The following FSTL5 variants were observed in gnomAD, a reference collection of about 807,000 sequenced individuals.
The protein encoded by FSTL5 is follistatin-related protein 5.
In FSTL5, 62 loss-of-function variants were observed where a neutral mutation model predicts 89.1. The ratio of observed to expected loss-of-function variants is 0.70; its 90% CI spans 0.57 to 0.86. The LOEUF is 0.86. FSTL5 is among the 40% of genes least tolerant of loss of function. The pLI is 0.00. For synonymous variants in FSTL5, 383 were observed against 346.2 expected (o/e 1.11, Z -1.18); for missense variants, 1,057 against 1,001.6 (o/e 1.06, Z -0.75).
intron 13 of FSTL5, among the ~76,000 whole-genome samples, chr4:161,472,392 CTCTTTT>C (rs1197365817): frequency 1.3e-5 from 2 of 151,900 alleles, no homozygotes; most frequent in Non-Finnish European, 2.9e-5. Context: ...CTGACTTTAG[CTCTTTT>C]TCTTTTTCTT....
chr4:161,518,276 A>C (rs932419637), intron 10 of FSTL5, among the ~76,000 whole-genome samples: 7 of 152,142 alleles, frequency 4.6e-5, no homozygotes, highest in Admixed American at 2.0e-4. Flanking sequence ...AAGTGATGAG[A>C]TGGGATAATC....
intron 4 of FSTL5, among the ~76,000 whole-genome samples, chr4:161,846,305 A>G (rs1470942686): frequency 2.0e-5 from 3 of 152,136 alleles, no homozygotes; most frequent in African/African-American, 7.2e-5. Flanking sequence ...TTTACCATAT[A>G]TTAAAATTCT....
At chr4:161,821,176 T>G (rs1422916685) in intron 4 of FSTL5, among the ~76,000 whole-genome samples, 2 of 152,056 alleles carry the variant, frequency 1.3e-5, no homozygotes, top group Non-Finnish European at 2.9e-5. Flanking sequence ...TAGCTGGGAC[T>G]GCAGGCACAG....
chr4:161,414,711 A>G (rs147199537), intron 15 of FSTL5, among the ~76,000 whole-genome samples: 1 of 152,314 alleles, frequency 6.6e-6, no homozygotes, highest in East Asian at 1.9e-4. Flanking sequence ...CTGGCAGTTC[A>G]TTTCCTTCTG....
intron 3 of FSTL5, among the ~76,000 whole-genome samples, chr4:161,960,350 A>G (rs1735143494): frequency 6.6e-6 from 1 of 151,270 alleles, no homozygotes; most frequent in Non-Finnish European, 1.5e-5. Context: ...TTTTAAATAT[A>G]TTTTTAGTAG....
intron 4 of FSTL5, among the ~76,000 whole-genome samples, chr4:161,897,256 A>G (rs915545215): frequency 2.0e-5 from 3 of 151,842 alleles, no homozygotes; most frequent in Non-Finnish European, 4.4e-5. Context: ...AGGTAATTGG[A>G]GGAATACTAA....
chr4:161,615,597 T>C (rs1221221920), intron 7 of FSTL5, among the ~76,000 whole-genome samples: 3 of 151,972 alleles, frequency 2.0e-5, no homozygotes, highest in African/African-American at 7.2e-5. Context: ...ATGGTATAAC[T>C]ATATCTAGGG....
chr4:161,687,856 C>T (rs1240103111), intron 6 of FSTL5, among the ~76,000 whole-genome samples: 1 of 152,146 alleles, frequency 6.6e-6, no homozygotes, highest in Admixed American at 6.5e-5. Context: ...TGCAACAGTG[C>T]TGGAAGGTGG....
intron 6 of FSTL5, among the ~76,000 whole-genome samples, chr4:161,679,759 C>T (rs930806205): frequency 6.6e-6 from 1 of 151,800 alleles, no homozygotes; most frequent in Non-Finnish European, 1.5e-5. Context: ...TTTCTTCATT[C>T]AGTTGACAAT....
chr4:161,744,973 C>T (rs1194572377), intron 6 of FSTL5, among the ~76,000 whole-genome samples: 1 of 150,858 alleles, frequency 6.6e-6, no homozygotes, highest in Non-Finnish European at 1.5e-5. Flanking sequence ...AATCTCAGAT[C>T]AATTTATTCT....
intron 13 of FSTL5, among the ~76,000 whole-genome samples, chr4:161,466,485 C>T (rs1409053244): frequency 2.0e-5 from 3 of 152,088 alleles, no homozygotes; most frequent in Non-Finnish European, 2.9e-5. Flanking sequence ...TTAAGTGAAC[C>T]TAATTTAAAA....
chr4:161,384,759 A>G lies in FSTL5; in HGVS notation c.*988T>C, dbSNP rs1730556195. 1 of 152,160 alleles carries G rather than the reference A, an allele frequency of 6.6e-6. No individual in the cohort carries two copies. Among genetic ancestry groups the G allele is most frequent in the Non-Finnish European group, 1.5e-5 (1 of 68,012 alleles). 9.4% of individuals were successfully genotyped at this position (152,160 alleles called of 1,614,324 possible). The stretch of plus-strand genomic sequence containing the variant: ...CTAATACCTCATCAATTCTCTTGCC[A>G]GTTTTCTTTTCCTAGGTGTTAATTT... On this transcript the variant is annotated 3_prime_UTR_variant, in exon 16 of 16. Transcript: ENST00000306100.
At chr4:162,157,795 C>A (rs1015190627) in intron 1 of FSTL5, among the ~76,000 whole-genome samples, 1 of 151,948 alleles carries the variant, frequency 6.6e-6, no homozygotes, top group Non-Finnish European at 1.5e-5. Flanking sequence ...GAGTCTGATG[C>A]AACTTTCTGG....
chr4:162,145,020 A>G (rs1242123094), intron 1 of FSTL5, among the ~76,000 whole-genome samples: 1 of 151,934 alleles, frequency 6.6e-6, no homozygotes, highest in Non-Finnish European at 1.5e-5. Flanking sequence ...CAATGAATAC[A>G]ATATATATTC....
intron 2 of FSTL5, among the ~76,000 whole-genome samples, chr4:162,090,886 T>A (rs1056951510): frequency 3.3e-5 from 5 of 151,988 alleles, no homozygotes; most frequent in African/African-American, 1.2e-4. Context: ...TTCCTTTTTC[T>A]TAAGACCTTT....
intron 15 of FSTL5, among the ~76,000 whole-genome samples, chr4:161,418,726 T>C (rs182381097): frequency 1.3e-5 from 2 of 152,300 alleles, no homozygotes; most frequent in East Asian, 3.9e-4. Context: ...TGTTATTTAG[T>C]TTAAAGTCAC....
At chr4:161,844,322 T>C (rs1157532424) in intron 4 of FSTL5, among the ~76,000 whole-genome samples, 1 of 152,224 alleles carries the variant, frequency 6.6e-6, no homozygotes, top group African/African-American at 2.4e-5. Flanking sequence ...AGAATGCTTT[T>C]ACATTGTTGA....
At chr4:161,592,087 T>G (rs1733841598) in intron 7 of FSTL5, among the ~76,000 whole-genome samples, 1 of 152,142 alleles carries the variant, frequency 6.6e-6, no homozygotes, top group Non-Finnish European at 1.5e-5. Flanking sequence ...CTACCAGGTT[T>G]GAAGAAAAAA....
At chr4:161,685,259 G>T (rs920697582) in intron 6 of FSTL5, among the ~76,000 whole-genome samples, 6 of 152,016 alleles carry the variant, frequency 3.9e-5, no homozygotes, top group African/African-American at 1.4e-4. Flanking sequence ...TGAATTTTAG[G>T]ATTGTGTTTT....
Sources: gnomAD v4.1 joint callset for allele counts (sites outside exome capture counted in the v4.1 genomes callset) on GRCh38, gnomAD v4.1.1 for gene constraint, MANE v1.5 for transcripts, NCBI Gene and HGNC (gene_info 2026-07-23, HGNC 2026-07-21) for gene names.